Variants in PTPRN2 observed in about 807,000 individuals in gnomAD.
PTPRN2 encodes receptor-type tyrosine-protein phosphatase N2.
A neutral mutation model predicts 118.8 loss-of-function variants in PTPRN2; 74 were observed. The ratio of observed to expected loss-of-function variants is 0.62; its 90% CI spans 0.52 to 0.76. The LOEUF is 0.76. PTPRN2 is among the 30% of genes least tolerant of loss of function. The pLI is 0.00. For synonymous variants in PTPRN2, 641 were observed against 608.0 expected, an observed-to-expected ratio of 1.05 and a Z score of -0.80; for missense variants, 1,481 against 1,394.4, an observed-to-expected ratio of 1.06 and a Z score of -0.99.
At chr7:157,613,721 C>G (rs1802548766) in intron 15 of PTPRN2, among the ~76,000 whole-genome samples, 1 of 152,216 alleles carries the variant, frequency 6.6e-6, no homozygotes, top group South Asian at 2.1e-4. Flanking sequence ...AATCGTCTCC[C>G]TAACCCGGCG....
chr7:157,708,034 C>G (rs1362739101), intron 12 of PTPRN2, among the ~76,000 whole-genome samples: 2 of 152,272 alleles, frequency 1.3e-5, no homozygotes, highest in African/African-American at 4.8e-5. Context: ...GCTATCATCC[C>G]TTAGCAGTGT....
At chr7:158,466,913 T>C (rs1586740439) in intron 2 of PTPRN2, among the ~76,000 whole-genome samples, 1 of 152,130 alleles carries the variant, frequency 6.6e-6, no homozygotes, top group African/African-American at 2.4e-5. Context: ...TGGTGGCACA[T>C]GTCTGTAATC....
intron 11 of PTPRN2, among the ~76,000 whole-genome samples, chr7:158,049,724 A>T (rs1809182759): frequency 6.6e-6 from 1 of 152,204 alleles, no homozygotes; most frequent in South Asian, 2.1e-4. Flanking sequence ...AACATGGTGA[A>T]ATCCTGTCTC....
In PTPRN2 at chr7:157,963,077, C is replaced by T. The variant is rs934936142; in HGVS notation, c.1724-64340G>A. Among the ~76,000 whole-genome samples, 8 of 152,352 alleles carry T rather than the reference C, an allele frequency of 5.3e-5. No individual in the cohort carries two copies. The South Asian group carries it at 6.2e-4, about 12-fold the overall frequency. Reference sequence around the variant, plus strand: ...GTCCACACGGCAGACACTCAGCCAGCGCAGCGCCCAGCACAGACGTGCTCA... The same window carrying T: ...GTCCACACGGCAGACACTCAGCCAGTGCAGCGCCCAGCACAGACGTGCTCA... On this transcript the variant is annotated intron_variant, in intron 11 of 22. Transcript: ENST00000389418.
intron 11 of PTPRN2, among the ~76,000 whole-genome samples, chr7:157,913,952 G>T (rs1798235514): frequency 6.6e-6 from 1 of 152,192 alleles, no homozygotes; most frequent in Non-Finnish European, 1.5e-5. Flanking sequence ...TTTGTGGGAA[G>T]ACTTTTAACT....
Position 157,794,941 on chromosome 7 carries a change from G to C in PTPRN2, c.1788+103732C>G, listed in dbSNP as rs1804769448. On this transcript the variant is annotated intron_variant, in intron 12 of 22. Transcript: ENST00000389418. The surrounding 1 kb of genome is among the most constrained non-coding windows in gnomAD (Gnocchi z 5.2). The stretch of plus-strand genomic sequence containing the variant: ...ATTTCCATGTGAAAGAGGCCAGAGT[G>C]CTTCCCTCACTTAGCGGGGATGCAA... 6.6e-6 allele frequency among the ~76,000 whole-genome samples: 1 copy of C among 152,252 alleles called. No homozygotes were observed. Among genetic ancestry groups the C allele is most frequent in the Non-Finnish European group, 1.5e-5 (1 of 68,048 alleles).
At chr7:158,118,544 C>G (rs1303846234) in intron 9 of PTPRN2, among the ~76,000 whole-genome samples, 1 of 152,144 alleles carries the variant, frequency 6.6e-6, no homozygotes, top group African/African-American at 2.4e-5. Flanking sequence ...AGTCCCTCCT[C>G]ATCATTAATT....
intron 14 of PTPRN2, among the ~76,000 whole-genome samples, chr7:157,651,342 G>A (rs1365228124): frequency 2.0e-5 from 3 of 152,136 alleles, no homozygotes; most frequent in Admixed American, 1.3e-4. Flanking sequence ...AAGGATGAGC[G>A]AACTCAAAGA....
intron 2 of PTPRN2, among the ~76,000 whole-genome samples, chr7:158,331,073 T>A (rs202082863): frequency 2.4e-5 from 3 of 125,806 alleles, no homozygotes; most frequent in African/African-American, 8.8e-5. Context: ...ACACCCACAC[T>A]CTCACCATAA....
intron 3 of PTPRN2, among the ~76,000 whole-genome samples, chr7:158,306,828 A>G (rs1375491325): frequency 6.6e-6 from 1 of 151,716 alleles, no homozygotes; most frequent in Non-Finnish European, 1.5e-5. Context: ...GGCTTACAAG[A>G]CAAAGACTTT....
intron 10 of PTPRN2, among the ~76,000 whole-genome samples, chr7:158,107,938 C>A (rs907070748): frequency 6.6e-6 from 1 of 150,692 alleles, no homozygotes; most frequent in Non-Finnish European, 1.5e-5. Context: ...CTGGGAAAGT[C>A]CCCTGCCCAC....
At chr7:157,576,532 CG>C in intron 19 of PTPRN2, 80 bp downstream of exon 19, 2 of 1,349,900 alleles carry the variant, frequency 1.5e-6, no homozygotes, top group Admixed American at 5.7e-5. Context: ...GCGCCAGGGG[CG>C]TCTCAGGAGC....
chr7:158,414,980 G>A (rs1814530932), intron 2 of PTPRN2, among the ~76,000 whole-genome samples: 1 of 151,864 alleles, frequency 6.6e-6, no homozygotes. Flanking sequence ...CTTTCCTGAT[G>A]ATACAACCAG....
At chr7:158,244,693 G>A (rs1452887089) in intron 3 of PTPRN2, among the ~76,000 whole-genome samples, 1 of 136,076 alleles carries the variant, frequency 7.3e-6, no homozygotes, top group Non-Finnish European at 1.6e-5. Flanking sequence ...TGTAAGTTGT[G>A]AGTGTGTGTG....
rs962579498 is a variant in PTPRN2 at position 157,595,023 on chromosome 7, T to C, written c.2496+215A>G. 2.0e-5 allele frequency among the ~76,000 whole-genome samples: 3 copies of C among 152,348 alleles called. No homozygotes were observed. The East Asian group carries it at 5.8e-4, about 29-fold the overall frequency. On this transcript the variant is annotated intron_variant, in intron 17 of 22. Transcript: ENST00000389418. ...CTTAAAAGTAATGATCTTGAAAGCATTAAATCTCTCAAAGGGAATTTTTTC... is the reference window on the plus strand; with the variant it reads ...CTTAAAAGTAATGATCTTGAAAGCACTAAATCTCTCAAAGGGAATTTTTTC...
intron 15 of PTPRN2, among the ~76,000 whole-genome samples, chr7:157,607,987 G>T (rs953799948): frequency 6.6e-6 from 1 of 152,142 alleles, no homozygotes; most frequent in African/African-American, 2.4e-5. Context: ...TCAAGGACCC[G>T]GCTTCCATGA....
intron 1 of PTPRN2, among the ~76,000 whole-genome samples, chr7:158,536,038 A>T (rs1452065876): frequency 6.6e-6 from 1 of 151,534 alleles, no homozygotes; most frequent in South Asian, 2.1e-4. Context: ...CACTCAAAAC[A>T]ACCACACAAA....
intron 11 of PTPRN2, among the ~76,000 whole-genome samples, chr7:157,991,408 C>T (rs1013519058): frequency 2.0e-5 from 3 of 152,262 alleles, no homozygotes; most frequent in Non-Finnish European, 1.5e-5. Flanking sequence ...AACCCAATGC[C>T]GTGGGCCCGG....
chr7:157,752,751 A>G (rs1689561620), intron 12 of PTPRN2, among the ~76,000 whole-genome samples: 2 of 152,188 alleles, frequency 1.3e-5, no homozygotes, highest in Admixed American at 1.3e-4. Flanking sequence ...TTTAGAACAG[A>G]GGACACCCAT....
Sources: gnomAD v4.1 joint callset for allele counts (sites outside exome capture counted in the v4.1 genomes callset) on GRCh38, gnomAD v4.1.1 for gene constraint, Gnocchi (gnomAD v3.1) non-coding constraint, MANE v1.5 for transcripts, NCBI Gene and HGNC (gene_info 2026-07-23, HGNC 2026-07-21) for gene names.